The following SLC30A5 variants were observed in gnomAD, a reference collection of about 807,000 sequenced individuals.
SLC30A5 encodes the protein solute carrier family 30 member 5.
Under a neutral mutation model 79.6 loss-of-function variants are expected in SLC30A5, and 33 were observed. That is an observed-to-expected ratio of 0.41 (90% CI 0.31 to 0.55). SLC30A5 has a LOEUF of 0.55. SLC30A5 is among the 20% of genes least tolerant of loss of function. The probability of loss-of-function intolerance (pLI) is 0.20; values close to 1 mark genes in which losing one functional copy is unlikely to be tolerated. For missense variants in SLC30A5, 788 were observed against 928.1 expected, an observed-to-expected ratio of 0.85 and a Z score of 1.96; for synonymous variants, 299 against 319.7, an observed-to-expected ratio of 0.94 and a Z score of 0.69.
chr5:69,098,630 T>A (rs1320558305), intron 1 of SLC30A5, among the ~76,000 whole-genome samples: 1 of 152,220 alleles, frequency 6.6e-6, no homozygotes, highest in Non-Finnish European at 1.5e-5. Context: ...CTCAAGTATC[T>A]ACTATGTAGA....
intron 13 of SLC30A5, 93 bp from the exon 14 acceptor site, chr5:69,123,106 C>A: frequency 2.5e-6 from 2 of 799,858 alleles, no homozygotes; most frequent in Non-Finnish European, 3.9e-6. Flanking sequence ...GTATGTGGTG[C>A]ACAGTAGGTA....
intron 8 of SLC30A5, among the ~76,000 whole-genome samples, chr5:69,115,662 A>C (rs1048091807): frequency 6.6e-6 from 1 of 152,218 alleles, no homozygotes; most frequent in Non-Finnish European, 1.5e-5. Flanking sequence ...CATTTGAAGA[A>C]GGAGCAATTA....
At chr5:69,118,775 T>G in intron 12 of SLC30A5, 147 bp downstream of exon 12, 1 of 500,590 alleles carries the variant, frequency 2.0e-6, no homozygotes, top group Non-Finnish European at 3.3e-6. Flanking sequence ...CTGTTTACAT[T>G]TATACTGCTC....
chr5:69,103,010 CT>C (rs1406175063), intron 2 of SLC30A5, 51 bp from the exon 3 acceptor site: 25 of 892,260 alleles, frequency 2.8e-5, no homozygotes, highest in Non-Finnish European at 5.2e-6. Flanking sequence ...AAAACTGTAT[CT>C]TGTGTTTAAT....
chr5:69,125,917 C>T (rs2447794), intron 14 of SLC30A5, among the ~76,000 whole-genome samples: 55,776 of 140,182 alleles, frequency 0.4, 11,350 homozygotes, highest in East Asian at 0.56. Flanking sequence ...GTAGTAGTAT[C>T]GCACACCTGT....
At chr5:69,099,412 A>T (rs1259637356) in intron 1 of SLC30A5, among the ~76,000 whole-genome samples, 1 of 152,200 alleles carries the variant, frequency 6.6e-6, no homozygotes, top group East Asian at 1.9e-4. Context: ...AAAAACATGG[A>T]CATTCTCTTA....
In SLC30A5 at chr5:69,094,126, C is replaced by T. The variant is rs1313883553; in HGVS notation, c.-130C>T. On this transcript the variant is annotated 5_prime_UTR_variant, in exon 1 of 16. Coordinates refer to ENST00000396591, the MANE Select transcript of SLC30A5 (RefSeq NM_022902.5). Reference sequence around the variant, plus strand: ...GCCGGCGACGGCGGCAGTGGCGGCCCGGCCTGCAGGAGCCCGACGGGGTCT... The same window carrying T: ...GCCGGCGACGGCGGCAGTGGCGGCCTGGCCTGCAGGAGCCCGACGGGGTCT... The T allele has an allele frequency of 8.7e-6, 4 of 462,160 alleles. No homozygotes were observed. In the Admixed American group the frequency reaches 1.3e-4, roughly 15 times the overall value. The allele number at this position is 462,160 out of a possible 1,614,324, so 28.6% of individuals were successfully genotyped here. A position where few individuals can be genotyped will look rare whatever the true frequency, so the allele number is the denominator to read the frequency against.
At position 69,116,712 on chromosome 5, in the gene SLC30A5, A is replaced by C. The variant is rs1297843253; in HGVS notation, c.1281+110A>C. ...AAATTTCTGATAATAAGATGAGCTA[A>C]AATTTAAATTTTTTCTAAGTATAAT... On this transcript the variant is annotated intron_variant, in intron 10 of 15. Transcript: ENST00000396591. The surrounding 1 kb of genome is among the most constrained non-coding windows in gnomAD (Gnocchi z 4.0). 2 of 696,260 alleles carry C rather than the reference A, an allele frequency of 2.9e-6. No homozygotes were observed. The highest frequency in any genetic ancestry group is 3.7e-5 in the African/African-American group (2 of 54,264). 43.1% of individuals were successfully genotyped at this position (696,260 alleles called of 1,614,324 possible). A position where few individuals can be genotyped will look rare whatever the true frequency, so the allele number is the denominator to read the frequency against.
intron 4 of SLC30A5, among the ~76,000 whole-genome samples, chr5:69,106,871 CT>C (rs1051468938): frequency 5.8e-4 from 84 of 146,024 alleles, no homozygotes; most frequent in African/African-American, 8.7e-4. Flanking sequence ...TTTTTTTCAA[CT>C]TTTTTTTTTT....
chr5:69,116,661 G>A lies in SLC30A5; in HGVS notation c.1281+59G>A, dbSNP rs1746381970. The A allele has an allele frequency of 1.6e-6, 2 of 1,220,792 alleles. No homozygotes were observed. The highest frequency in any genetic ancestry group is 2.2e-6 in the Non-Finnish European group (2 of 907,684). The allele number at this position is 1,220,792 out of a possible 1,614,324, so 75.6% of individuals were successfully genotyped here. ...AAAGCATAATATTTTAATTTTGACA[G>A]TTCTGGTATAAGTTTAGTACTTCCC... On this transcript the variant is annotated intron_variant, in intron 10 of 15. Coordinates refer to ENST00000396591, the MANE Select transcript of SLC30A5 (RefSeq NM_022902.5). The surrounding 1 kb of genome is among the most constrained non-coding windows in gnomAD (Gnocchi z 4.0).
chr5:69,109,929 C>A (rs1205848141), intron 5 of SLC30A5, among the ~76,000 whole-genome samples: 1 of 152,166 alleles, frequency 6.6e-6, no homozygotes, highest in Non-Finnish European at 1.5e-5. Flanking sequence ...AAAGAGTCAG[C>A]AGCTGCGGCC....
At chr5:69,117,172 G>T in intron 10 of SLC30A5, 67 bp from the exon 11 acceptor site, 1 of 1,346,948 alleles carries the variant, frequency 7.4e-7, no homozygotes, top group Non-Finnish European at 1.0e-6. Context: ...ATAATTAAGG[G>T]TTAAAATCCT....
rs1409021558 is a variant in SLC30A5 at position 69,121,762 on chromosome 5, T to C, written c.1638T>C (p.His546=). 1 of 1,612,480 alleles carries C rather than the reference T, an allele frequency of 6.2e-7. No individual in the cohort carries two copies. The highest frequency in any genetic ancestry group is 1.3e-5 in the African/African-American group (1 of 74,870). The part of the protein sequence containing the change: ...GICAFSHAHS[H]AHGASQGSCH... ...GTGCCTTTAGCCATGCCCATAGCCATGCCCATGGAGCTTCTCAAGGAAGCT... is the reference window on the plus strand; with the variant it reads ...GTGCCTTTAGCCATGCCCATAGCCACGCCCATGGAGCTTCTCAAGGAAGCT... The change falls in exon 13 of 16, where the codon CAT becomes CAC. Residue 546 remains histidine (H), a synonymous_variant. Transcript: ENST00000396591.
At chr5:69,096,999 C>A (rs559833310) in intron 1 of SLC30A5, among the ~76,000 whole-genome samples, 176 of 149,484 alleles carry the variant, frequency 1.2e-3, no homozygotes, top group Non-Finnish European at 2.3e-3. Flanking sequence ...AAAACCCCCA[C>A]AAAAAACCAA....
At position 69,096,993 on chromosome 5, in the gene SLC30A5, C is replaced by A. The variant is rs541474187; in HGVS notation, c.83+2655C>A. On this transcript the variant is annotated intron_variant, in intron 1 of 15. Transcript: ENST00000396591. ...CCTCCAAAAAAAAACCCCAAAAAAA[C>A]CCCCACAAAAAACCAACAACAACAA... is the stretch of plus-strand genomic sequence containing the variant. Among the ~76,000 whole-genome samples, 38 of 151,078 alleles carry A rather than the reference C, an allele frequency of 2.5e-4. No homozygotes were observed. The South Asian group carries it at 2.7e-3, about 11-fold the overall frequency.
At chr5:69,108,237 A>G in intron 4 of SLC30A5, 112 bp from the exon 5 acceptor site, 2 of 787,676 alleles carry the variant, frequency 2.5e-6, no homozygotes, top group East Asian at 2.7e-5. Context: ...TATTTTTCTT[A>G]TGTTTTGTGA....
Position 69,121,816 on chromosome 5 carries a change from C to T in SLC30A5, c.1692C>T (p.His564=), listed in dbSNP as rs164578. The T allele has an allele frequency of 0.42, 684,416 of 1,611,112 alleles. 146,739 individuals are homozygous for T. Among genetic ancestry groups the T allele is most frequent in the East Asian group, 0.51 (22,976 of 44,778 alleles). ...SCHSSDHSHS[H]HMHGHSDHGH... is the part of the protein sequence containing the mutation. ...ACTCATCTGATCACAGCCATTCACA[C>T]CATATGCATGGACACAGTGACCATG... is the stretch of plus-strand genomic sequence containing the variant. Residue 564 remains histidine, a synonymous_variant, in exon 13 of 16, where the codon CAC becomes CAT. Coordinates refer to ENST00000396591, the MANE Select transcript of SLC30A5 (RefSeq NM_022902.5).
In SLC30A5 at chr5:69,120,432, G is replaced by C. The variant is rs144897031; in HGVS notation, c.1570-1262G>C. On this transcript the variant is annotated intron_variant, in intron 12 of 15. Coordinates refer to ENST00000396591, the MANE Select transcript of SLC30A5 (RefSeq NM_022902.5). ...AAATAGTATTATGATTACATTGTTG[G>C]TTTTAAAGGGTGTTATGTGTATGTA... is the stretch of plus-strand genomic sequence containing the variant. Among the ~76,000 whole-genome samples, 11 of 152,200 alleles carry C rather than the reference G, an allele frequency of 7.2e-5. No individual in the cohort carries two copies. The East Asian group carries it at 1.7e-3, about 24-fold the overall frequency.
At chr5:69,105,980 C>T (rs1006352842) in intron 4 of SLC30A5, among the ~76,000 whole-genome samples, 3 of 152,182 alleles carry the variant, frequency 2.0e-5, no homozygotes, top group African/African-American at 7.2e-5. Flanking sequence ...AAATTGTCTT[C>T]CAGGAAACCA....
Sources: allele counts gnomAD v4.1 joint callset (sites outside exome capture counted in the v4.1 genomes callset), GRCh38; gene constraint gnomAD v4.1.1; non-coding constraint Gnocchi (gnomAD v3.1); transcripts MANE v1.5; gene names NCBI Gene and HGNC (gene_info 2026-07-23, HGNC 2026-07-21).